ARSJ: variants seen among roughly 807,000 people sequenced by gnomAD.
ARSJ encodes the protein arylsulfatase J.
Under a neutral mutation model 35.9 loss-of-function variants are expected in ARSJ, and 26 were observed. That is an observed-to-expected ratio of 0.72 (90% CI 0.53 to 1.00). ARSJ has a LOEUF of 1.00. Ranked by LOEUF, ARSJ falls within the 50% of genes least tolerant of loss-of-function variation. The probability of loss-of-function intolerance (pLI) is 0.00; values close to 1 mark genes in which losing one functional copy is unlikely to be tolerated. For synonymous variants in ARSJ, 294 were observed against 267.6 expected (o/e 1.10, Z -0.96); for missense variants, 667 against 723.6 (o/e 0.92, Z 0.90).
intron 1 of ARSJ, among the ~76,000 whole-genome samples, chr4:113,919,749 A>C (rs1369110408): frequency 2.0e-5 from 3 of 152,198 alleles, no homozygotes; most frequent in African/African-American, 7.2e-5. Flanking sequence ...TAGAAAAATT[A>C]GTAATGCCTT....
intron 1 of ARSJ, among the ~76,000 whole-genome samples, chr4:113,964,899 C>T (rs1479174367): frequency 2.0e-5 from 3 of 152,048 alleles, no homozygotes; most frequent in South Asian, 4.1e-4. Flanking sequence ...ATACATCTTA[C>T]AGTCCTAAAT....
intron 1 of ARSJ, among the ~76,000 whole-genome samples, chr4:113,977,038 G>A (rs375773206): frequency 6.6e-6 from 1 of 152,190 alleles, no homozygotes; most frequent in African/African-American, 2.4e-5. Context: ...TTGGCTATCT[G>A]TGTAAATCTA....
chr4:113,927,161 A>G (rs1724124167), intron 1 of ARSJ, among the ~76,000 whole-genome samples: 1 of 152,198 alleles, frequency 6.6e-6, no homozygotes, highest in African/African-American at 2.4e-5. Context: ...TAGGCCCACT[A>G]GGCATTGTGC....
intron 1 of ARSJ, among the ~76,000 whole-genome samples, chr4:113,907,909 AG>A (rs2099669255): frequency 6.6e-6 from 1 of 152,116 alleles, no homozygotes; most frequent in Non-Finnish European, 1.5e-5. Flanking sequence ...AACACAAAGA[AG>A]GGAACAAAAG....
chr4:113,916,512 TTAC>T (rs1723309651), intron 1 of ARSJ, among the ~76,000 whole-genome samples: 1 of 116,832 alleles, frequency 8.6e-6, no homozygotes, highest in Non-Finnish European at 1.9e-5. Context: ...TAACTAATTG[TTAC>T]TACACGTTCT....
At chr4:113,939,716 G>A (rs1562357243) in intron 1 of ARSJ, among the ~76,000 whole-genome samples, 1 of 152,108 alleles carries the variant, frequency 6.6e-6, no homozygotes, top group Non-Finnish European at 1.5e-5. Flanking sequence ...CTTCTTTTGA[G>A]AAGTGTCTGT....
chr4:113,902,977 T>C lies in ARSJ; in HGVS notation c.1097A>G (p.Asn366Ser). 1 of 1,614,146 alleles carries C rather than the reference T, an allele frequency of 6.2e-7. No individual in the cohort carries two copies. Among genetic ancestry groups the C allele is most frequent in the East Asian group, 2.2e-5 (1 of 44,888 alleles). ...AAGTTCCTTACACACTGTTCCCTTGTTTTTCAGAAGTGGGCTATGCACAAA... is the reference window on the plus strand; with the variant it reads ...AAGTTCCTTACACACTGTTCCCTTGCTTTTCAGAAGTGGGCTATGCACAAA... ...VGFVHSPLLKNKGTVCKELVH... is the reference protein window; with the variant it reads ...VGFVHSPLLKSKGTVCKELVH... The change falls in exon 2 of 2, where the codon AAC (asparagine) becomes AGC (serine). Residue 366 changes from asparagine to serine, a missense_variant. Asn to Ser is a conservative substitution (Grantham distance 46). Transcript: ENST00000315366.
intron 1 of ARSJ, among the ~76,000 whole-genome samples, chr4:113,935,941 A>T (rs941511478): frequency 6.6e-6 from 1 of 152,022 alleles, no homozygotes; most frequent in African/African-American, 2.4e-5. Context: ...ATAGCTATTC[A>T]ACAAATAAAT....
chr4:113,970,601 C>T (rs11098219), intron 1 of ARSJ: 48,729 of 152,026 alleles, frequency 0.32, 7,932 homozygotes, highest in Admixed American at 0.36. Context: ...GGAGGGTGTT[C>T]GCTGAGGATG....
chr4:113,945,144 T>C (rs1374682739), intron 1 of ARSJ, among the ~76,000 whole-genome samples: 1 of 152,078 alleles, frequency 6.6e-6, no homozygotes, highest in Non-Finnish European at 1.5e-5. Flanking sequence ...TTTAAAAATA[T>C]ACATACATAT....
At position 113,925,906 on chromosome 4, in the gene ARSJ, T is replaced by G. The variant is rs370491337; in HGVS notation, c.399-22231A>C. ...GTGTTGGTCTCTGCTGCTGGGAAAT[T>G]GGGCACTCAGTAGTGGCTGTAGCCA... On this transcript the variant is annotated intron_variant, in intron 1 of 1. Coordinates refer to ENST00000315366, the MANE Select transcript of ARSJ (RefSeq NM_024590.4). Among the ~76,000 whole-genome samples, 61 of 152,194 alleles carry G rather than the reference T, an allele frequency of 4.0e-4. 2 individuals carry two copies. The highest frequency in any genetic ancestry group is 1.3e-3 in the African/African-American group (55 of 41,534).
chr4:113,977,809 GA>G (rs1727680528), intron 1 of ARSJ, among the ~76,000 whole-genome samples: 1 of 152,212 alleles, frequency 6.6e-6, no homozygotes, highest in South Asian at 2.1e-4. Flanking sequence ...GAAAACTGCA[GA>G]TGAAGTTTGA....
At chr4:113,920,502 T>TGAG (rs377327904) in intron 1 of ARSJ, among the ~76,000 whole-genome samples, 101 of 152,294 alleles carry the variant, frequency 6.6e-4, no homozygotes, top group African/African-American at 2.4e-3. Context: ...TTCTATTAAA[T>TGAG]GAGGAGTCTG....
At chr4:113,918,279 C>T (rs1362707513) in intron 1 of ARSJ, among the ~76,000 whole-genome samples, 1 of 152,060 alleles carries the variant, frequency 6.6e-6, no homozygotes. Context: ...TTAGAGCAGA[C>T]ATTAAAGAGA....
At chr4:113,936,823 A>T (rs1724797055) in intron 1 of ARSJ, among the ~76,000 whole-genome samples, 1 of 151,842 alleles carries the variant, frequency 6.6e-6, no homozygotes. Flanking sequence ...GCAAAACATT[A>T]AAAAAATCAC....
At position 113,940,206 on chromosome 4, in the gene ARSJ, AC is replaced by A. The variant is rs545940793; in HGVS notation, c.399-36532del. On this transcript the variant is annotated intron_variant, in intron 1 of 1. Coordinates refer to ENST00000315366, the MANE Select transcript of ARSJ (RefSeq NM_024590.4). ...CATGCTTGCATATGCTCACTGCAAC[AC>A]TATTCACAATAGCAAACACATGGAA... is the stretch of plus-strand genomic sequence containing the variant. Among the ~76,000 whole-genome samples the A allele has an allele frequency of 4.6e-5, 7 of 152,308 alleles. No individual in the cohort carries two copies. In the East Asian group the frequency reaches 1.4e-3, roughly 29 times the overall value.
At chr4:113,904,824 T>A (rs1334035066) in intron 1 of ARSJ, among the ~76,000 whole-genome samples, 1 of 152,190 alleles carries the variant, frequency 6.6e-6, no homozygotes, top group South Asian at 2.1e-4. Context: ...TGAAACGAGA[T>A]AGAGGTTTCT....
chr4:113,907,877 T>C (rs1394434548), intron 1 of ARSJ, among the ~76,000 whole-genome samples: 1 of 151,670 alleles, frequency 6.6e-6, no homozygotes, highest in African/African-American at 2.4e-5. Flanking sequence ...TATAAGTGAG[T>C]GCTAAACTTT....
In ARSJ at chr4:113,902,092, C is replaced by T; in HGVS notation, c.*182G>A. 6.4e-7 allele frequency: 1 copy of T among 1,570,902 alleles called. No individual in the cohort carries two copies. Among genetic ancestry groups the T allele is most frequent in the African/African-American group, 1.3e-5 (1 of 74,442 alleles). Reference sequence around the variant, plus strand: ...GTGGCTTGCAAGAGTAGCACCTTGGCACTGAGCAGGACAGTTTTCAGTGTG... The same window carrying T: ...GTGGCTTGCAAGAGTAGCACCTTGGTACTGAGCAGGACAGTTTTCAGTGTG... On this transcript the variant is annotated 3_prime_UTR_variant, in exon 2 of 2. Coordinates refer to ENST00000315366, the MANE Select transcript of ARSJ (RefSeq NM_024590.4).
Sources: allele counts gnomAD v4.1 joint callset (sites outside exome capture counted in the v4.1 genomes callset), GRCh38; gene constraint gnomAD v4.1.1; transcripts MANE v1.5; gene names NCBI Gene and HGNC (gene_info 2026-07-23, HGNC 2026-07-21).